The following GLIS3 variants were observed in gnomAD, a reference collection of about 807,000 sequenced individuals.
GLIS3 encodes zinc finger protein GLIS3.
A neutral mutation model predicts 78.6 loss-of-function variants in GLIS3; 53 were observed. The observed-to-expected ratio is 0.67, with a 90% confidence interval of 0.54 to 0.85. GLIS3 has a LOEUF of 0.85. GLIS3 is among the 40% of genes least tolerant of loss of function. GLIS3 has a pLI of 0.00. For synonymous variants in GLIS3, 684 were observed against 509.9 expected (o/e 1.34, Z -4.60); for missense variants, 1,703 against 1,231.1 (o/e 1.38, Z -5.74).
At chr9:3,926,639 T>C (rs1002964333) in intron 6 of GLIS3, among the ~76,000 whole-genome samples, 1 of 151,904 alleles carries the variant, frequency 6.6e-6, no homozygotes, top group African/African-American at 2.4e-5. Context: ...TTTCTTTCTT[T>C]TGTCTTCTCA....
At chr9:3,971,987 G>A (rs1396501709) in intron 4 of GLIS3, among the ~76,000 whole-genome samples, 1 of 152,142 alleles carries the variant, frequency 6.6e-6, no homozygotes, top group Non-Finnish European at 1.5e-5. Flanking sequence ...CCCGCTATTT[G>A]TGGTCCAAGA....
At chr9:4,202,521 AG>A (rs1345270232) in intron 2 of GLIS3, among the ~76,000 whole-genome samples, 4 of 152,190 alleles carry the variant, frequency 2.6e-5, no homozygotes, top group African/African-American at 9.6e-5. Flanking sequence ...AGCAATGCTA[AG>A]CAAAAAGAAC....
chr9:4,339,070 C>G (rs1476756426), intron 2 of GLIS3, among the ~76,000 whole-genome samples: 1 of 152,170 alleles, frequency 6.6e-6, no homozygotes, highest in African/African-American at 2.4e-5. Flanking sequence ...ATGTTCAAAA[C>G]AATTGAGACT....
intron 8 of GLIS3, chr9:3,875,470 T>G (rs1821250207): frequency 6.6e-6 from 1 of 152,108 alleles, no homozygotes; most frequent in Non-Finnish European, 1.5e-5. Flanking sequence ...AAATGATGAA[T>G]CAATGCCCGC....
chr9:3,926,515 C>T (rs1177806402), intron 6 of GLIS3, among the ~76,000 whole-genome samples: 6 of 152,106 alleles, frequency 3.9e-5, no homozygotes, highest in Admixed American at 2.6e-4. Context: ...CAGGCGTGAG[C>T]CACCGCACGC....
intron 1 of GLIS3, among the ~76,000 whole-genome samples, chr9:4,294,929 T>C (rs2130425467): frequency 6.6e-6 from 1 of 152,374 alleles, no homozygotes; most frequent in Non-Finnish European, 1.5e-5. Flanking sequence ...TATAATTTAC[T>C]GCCTGAATAA....
intron 2 of GLIS3, among the ~76,000 whole-genome samples, chr9:4,234,490 C>T (rs1822540201): frequency 6.6e-6 from 1 of 152,166 alleles, no homozygotes; most frequent in Non-Finnish European, 1.5e-5. Flanking sequence ...TCATTTTAGT[C>T]TTATATGGGC....
intron 2 of GLIS3, among the ~76,000 whole-genome samples, chr9:4,285,112 C>T (rs1827874370): frequency 6.6e-6 from 1 of 152,140 alleles, no homozygotes; most frequent in Non-Finnish European, 1.5e-5. Flanking sequence ...GCTAGTAATT[C>T]TATTTGCTGG....
At chr9:3,900,726 CAG>C (rs1007826203) in intron 6 of GLIS3, 12 of 152,198 alleles carry the variant, frequency 7.9e-5, no homozygotes, top group African/African-American at 2.9e-4. Context: ...GACAAAATAT[CAG>C]AAAGTAATAT....
chr9:4,181,187 G>C (rs1817291528), intron 2 of GLIS3, among the ~76,000 whole-genome samples: 1 of 152,230 alleles, frequency 6.6e-6, no homozygotes, highest in Admixed American at 6.5e-5. Flanking sequence ...GCATCATTCA[G>C]AGATGCTCCT....
intron 4 of GLIS3, 114 bp downstream of exon 4, chr9:4,117,654 G>T (rs1008607081): frequency 8.5e-7 from 1 of 1,169,772 alleles, no homozygotes. Context: ...CCATCTCATG[G>T]ATACCTAGAC....
chr9:4,440,084 G>C, the GLIS3 span, among the ~76,000 whole-genome samples: 4 of 152,106 alleles, frequency 2.6e-5, no homozygotes, highest in African/African-American at 4.8e-5. Context: ...TTATATTTTG[G>C]ATATCAACCT....
intron 4 of GLIS3, among the ~76,000 whole-genome samples, chr9:3,942,833 C>T (rs1396765174): frequency 6.6e-6 from 1 of 151,904 alleles, no homozygotes; most frequent in Non-Finnish European, 1.5e-5. Flanking sequence ...CATTAGGTCA[C>T]CTTAATCTTG....
At chr9:3,935,474 C>T (rs1361613695) in intron 5 of GLIS3, among the ~76,000 whole-genome samples, 1 of 152,110 alleles carries the variant, frequency 6.6e-6, no homozygotes, top group Non-Finnish European at 1.5e-5. Flanking sequence ...TCTGAAAATG[C>T]TCTTAGCTTG....
chr9:4,203,646 T>C lies in GLIS3; in HGVS notation c.389-77705A>G, dbSNP rs527767067. 1.1e-3 allele frequency among the ~76,000 whole-genome samples: 164 copies of C among 152,344 alleles called. 1 individual carries two copies. Among genetic ancestry groups the C allele is most frequent in the Middle Eastern group, 3.4e-3 (1 of 294 alleles). On this transcript the variant is annotated intron_variant, in intron 2 of 10. Coordinates refer to ENST00000381971, the MANE Select transcript of GLIS3 (RefSeq NM_001042413.2). ...AACAAATTTTTCAACCAAAAAGATA[T>C]ATGCACTCGTGTGTTCACTGCAGCA...
At chr9:4,321,853 T>C (rs1338015076) in intron 2 of GLIS3, among the ~76,000 whole-genome samples, 4 of 152,026 alleles carry the variant, frequency 2.6e-5, no homozygotes, top group African/African-American at 9.7e-5. Context: ...GGATTATAGG[T>C]GTACACTACC....
the GLIS3 span, among the ~76,000 whole-genome samples, chr9:4,413,201 T>C: frequency 6.6e-6 from 1 of 152,138 alleles, no homozygotes; most frequent in Non-Finnish European, 1.5e-5. Flanking sequence ...AACTCAGAGA[T>C]TTTGGATATA....
At chr9:4,098,736 G>C (rs76266122) in intron 4 of GLIS3, among the ~76,000 whole-genome samples, 1 of 151,938 alleles carries the variant, frequency 6.6e-6, no homozygotes, top group Non-Finnish European at 1.5e-5. Flanking sequence ...TTTTACGATC[G>C]AAATGGAAAT....
chr9:3,935,162 A>C (rs1328182241), intron 5 of GLIS3, among the ~76,000 whole-genome samples: 1 of 152,158 alleles, frequency 6.6e-6, no homozygotes, highest in Non-Finnish European at 1.5e-5. Flanking sequence ...AAGGACCTAA[A>C]TTTAAATAAC....
Sources: gnomAD v4.1 joint callset for allele counts (sites outside exome capture counted in the v4.1 genomes callset) on GRCh38, gnomAD v4.1.1 for gene constraint, MANE v1.5 for transcripts, NCBI Gene and HGNC (gene_info 2026-07-23, HGNC 2026-07-21) for gene names.